Variants in FGGY observed in about 807,000 individuals in gnomAD.
FGGY encodes the protein FGGY carbohydrate kinase domain-containing protein.
Under a neutral mutation model 71.3 loss-of-function variants are expected in FGGY, and 72 were observed. That is an observed-to-expected ratio of 1.01 (90% CI 0.84 to 1.23). The LOEUF (loss-of-function observed/expected upper bound fraction) is 1.23. Among genes scored for constraint, FGGY ranks in the 50% most tolerant of loss-of-function variants. The pLI, the probability that FGGY is intolerant of heterozygous loss-of-function variation, is 0.00. For synonymous variants in FGGY, 251 were observed against 250.3 expected (o/e 1.00, Z -0.02); for missense variants, 668 against 682.3 (o/e 0.98, Z 0.23).
At chr1:59,508,968 C>A (rs758020779) in intron 6 of FGGY, among the ~76,000 whole-genome samples, 2 of 152,148 alleles carry the variant, frequency 1.3e-5, no homozygotes, top group African/African-American at 2.4e-5. Flanking sequence ...CCTGCAGCAC[C>A]TTGGTGAACT....
chr1:59,362,484 C>G (rs74766265), intron 4 of FGGY, among the ~76,000 whole-genome samples: 7,045 of 152,302 alleles, frequency 0.046, 239 homozygotes, highest in Non-Finnish European at 0.073. Flanking sequence ...CCAGATTTAC[C>G]TCTTACTGCA....
chr1:59,723,803 G>A (rs2097917502), intron 14 of FGGY, among the ~76,000 whole-genome samples: 1 of 152,196 alleles, frequency 6.6e-6, no homozygotes, highest in South Asian at 2.1e-4. Context: ...CAGTGGTTTT[G>A]ATAAATGCAT....
chr1:59,706,759 G>A (rs2097759990), intron 14 of FGGY, among the ~76,000 whole-genome samples: 1 of 152,194 alleles, frequency 6.6e-6, no homozygotes, highest in African/African-American at 2.4e-5. Flanking sequence ...TCTTAGCCCT[G>A]TGACCTTAGA....
At chr1:59,563,579 T>C (rs2095828663) in intron 8 of FGGY, among the ~76,000 whole-genome samples, 1 of 152,176 alleles carries the variant, frequency 6.6e-6, no homozygotes, top group Admixed American at 6.5e-5. Flanking sequence ...TGCTCATGGA[T>C]AGGAAGAATC....
chr1:59,675,490 A>G (rs942600505), intron 14 of FGGY, among the ~76,000 whole-genome samples: 10 of 152,212 alleles, frequency 6.6e-5, no homozygotes, highest in Admixed American at 3.9e-4. Flanking sequence ...AGCCTCTGAA[A>G]CTAATGACTG....
At chr1:59,509,423 C>T (rs909949292) in intron 6 of FGGY, among the ~76,000 whole-genome samples, 8 of 152,166 alleles carry the variant, frequency 5.3e-5, no homozygotes, top group Non-Finnish European at 1.2e-4. Flanking sequence ...TCGCTTTCCT[C>T]CTGGCTTAAT....
chr1:59,607,431 A>C (rs2153816583), intron 8 of FGGY, among the ~76,000 whole-genome samples: 1 of 152,324 alleles, frequency 6.6e-6, no homozygotes, highest in Non-Finnish European at 1.5e-5. Context: ...CATAGATTGA[A>C]GGGGTAGGGA....
chr1:59,364,100 G>A (rs755699901), intron 4 of FGGY, among the ~76,000 whole-genome samples: 8 of 152,160 alleles, frequency 5.3e-5, no homozygotes, highest in Non-Finnish European at 1.0e-4. Flanking sequence ...AAGAAGAAGG[G>A]ACATCTGTGT....
intron 7 of FGGY, among the ~76,000 whole-genome samples, chr1:59,539,199 G>A (rs146940883): frequency 1.1e-3 from 167 of 152,158 alleles, no homozygotes; most frequent in Admixed American, 3.1e-3. Flanking sequence ...GTTTCTTCCC[G>A]GTTGTTCTAT....
chr1:59,403,158 G>A (rs951410261), intron 5 of FGGY, among the ~76,000 whole-genome samples: 39 of 152,124 alleles, frequency 2.6e-4, no homozygotes, highest in African/African-American at 9.4e-4. Flanking sequence ...CCAGTGTGCT[G>A]GATGCTTCTG....
chr1:59,755,299 G>A (rs1323893294), intron 14 of FGGY: 2 of 151,926 alleles, frequency 1.3e-5, no homozygotes, highest in African/African-American at 4.8e-5. Flanking sequence ...CATTCATTCC[G>A]TAGACATTCC....
chr1:59,737,579 T>C (rs1309641406), intron 14 of FGGY, among the ~76,000 whole-genome samples: 8 of 152,210 alleles, frequency 5.3e-5, no homozygotes, highest in Non-Finnish European at 1.0e-4. Context: ...GATTTTGGAC[T>C]AGCATGGGGC....
At chr1:59,460,181 G>A (rs1314085450) in intron 6 of FGGY, among the ~76,000 whole-genome samples, 4 of 152,098 alleles carry the variant, frequency 2.6e-5, no homozygotes, top group African/African-American at 9.7e-5. Flanking sequence ...CTGGAAAATC[G>A]GGACACTGCC....
chr1:59,639,084 G>GA lies in FGGY; in HGVS notation c.1221+713dup, dbSNP rs1273713008. On this transcript the variant is annotated intron_variant, in intron 11 of 15. Transcript: ENST00000303721. ...AGGGGCCAGGTGAGGCCACAAATAA[G>GA]AAAATAAGCCATGAATGCAGGAACC... is the stretch of plus-strand genomic sequence containing the variant. Among the ~76,000 whole-genome samples, 13 of 152,234 alleles carry GA rather than the reference G, an allele frequency of 8.5e-5. No homozygotes were observed. In the East Asian group the frequency reaches 2.5e-3, roughly 29 times the overall value.
chr1:59,447,945 A>G (rs147535276), intron 5 of FGGY, among the ~76,000 whole-genome samples: 1 of 152,266 alleles, frequency 6.6e-6, no homozygotes, highest in East Asian at 1.9e-4. Context: ...GTCACATGGG[A>G]TCTAATTACT....
chr1:59,502,839 T>C (rs1043185529), intron 6 of FGGY, among the ~76,000 whole-genome samples: 1 of 152,206 alleles, frequency 6.6e-6, no homozygotes, highest in Non-Finnish European at 1.5e-5. Flanking sequence ...CCATTCAAAA[T>C]CCCGTGTCTC....
intron 1 of FGGY, among the ~76,000 whole-genome samples, chr1:59,317,362 T>G (rs1038888821): frequency 6.6e-6 from 1 of 152,206 alleles, no homozygotes; most frequent in Non-Finnish European, 1.5e-5. Flanking sequence ...TTCTGAGGTA[T>G]AATAAAGTGG....
chr1:59,483,590 A>G (rs2093569917), intron 6 of FGGY, among the ~76,000 whole-genome samples: 1 of 152,128 alleles, frequency 6.6e-6, no homozygotes, highest in South Asian at 2.1e-4. Context: ...TTCTGTTCTT[A>G]GCTTTTTGAG....
chr1:59,466,616 G>A (rs1420393263), intron 6 of FGGY, among the ~76,000 whole-genome samples: 1 of 151,960 alleles, frequency 6.6e-6, no homozygotes, highest in African/African-American at 2.4e-5. Context: ...TCTGACAAAG[G>A]GCTAGTATCC....
Sources: gnomAD v4.1 joint callset for allele counts (sites outside exome capture counted in the v4.1 genomes callset) on GRCh38, gnomAD v4.1.1 for gene constraint, MANE v1.5 for transcripts, NCBI Gene and HGNC (gene_info 2026-07-23, HGNC 2026-07-21) for gene names.